MYO16: variants seen among roughly 807,000 people sequenced by gnomAD.
MYO16 encodes myosin XVI, also known as unconventional myosin-XVI.
A neutral mutation model predicts 205.3 loss-of-function variants in MYO16; 94 were observed. The observed-to-expected ratio is 0.46, with a 90% CI of 0.39 to 0.54. MYO16 has a LOEUF of 0.54. MYO16 is among the 20% of genes least tolerant of loss of function. The pLI is 0.00. For missense variants in MYO16, 2,315 were observed against 2,387.5 expected, an observed-to-expected ratio of 0.97 and a Z score of 0.63; for synonymous variants, 988 against 954.0, an observed-to-expected ratio of 1.04 and a Z score of -0.66.
intron 16 of MYO16, among the ~76,000 whole-genome samples, chr13:108,912,650 G>A (rs7334888): frequency 0.094 from 14,236 of 151,984 alleles, 693 homozygotes; most frequent in Non-Finnish European, 0.11. Flanking sequence ...CTTGAACATC[G>A]CTAATTGAAC....
chr13:108,610,884 T>C (rs1471861065), intron 1 of MYO16, among the ~76,000 whole-genome samples: 2 of 152,196 alleles, frequency 1.3e-5, no homozygotes, highest in African/African-American at 4.8e-5. Flanking sequence ...TAGTGCTCTT[T>C]TTCCTCTGGA....
intron 7 of MYO16, among the ~76,000 whole-genome samples, chr13:108,809,670 C>G (rs942090465): frequency 6.6e-6 from 1 of 152,212 alleles, no homozygotes; most frequent in African/African-American, 2.4e-5. Context: ...CCCCATGACC[C>G]AATCACCCCC....
At chr13:108,939,540 G>A (rs549581997) in intron 16 of MYO16, among the ~76,000 whole-genome samples, 1 of 152,250 alleles carries the variant, frequency 6.6e-6, no homozygotes, top group South Asian at 2.1e-4. Context: ...TGATCCTTCT[G>A]TACTATCTTG....
chr13:108,730,832 G>A (rs571492052), intron 4 of MYO16, among the ~76,000 whole-genome samples: 3 of 152,260 alleles, frequency 2.0e-5, no homozygotes, highest in African/African-American at 7.2e-5. Context: ...AGTTCATTAG[G>A]ATGTGGAGAG....
chr13:108,893,084 A>T (rs941131590), intron 14 of MYO16, among the ~76,000 whole-genome samples: 23 of 152,332 alleles, frequency 1.5e-4, no homozygotes, highest in African/African-American at 5.5e-4. Flanking sequence ...GCATGGCTTA[A>T]ATTCCATGTC....
intron 27 of MYO16, among the ~76,000 whole-genome samples, chr13:109,080,294 T>C (rs1172141936): frequency 6.6e-6 from 1 of 152,204 alleles, no homozygotes; most frequent in Admixed American, 6.5e-5. Context: ...TAAACAGACA[T>C]ATCTCTGTAC....
intron 16 of MYO16, among the ~76,000 whole-genome samples, chr13:108,926,734 G>A (rs1882025164): frequency 1.3e-5 from 2 of 152,156 alleles, no homozygotes; most frequent in African/African-American, 2.4e-5. Flanking sequence ...TTCACCAGGG[G>A]TGGTGGCCTC....
intron 2 of MYO16, among the ~76,000 whole-genome samples, chr13:108,683,505 T>C (rs972025378): frequency 1.3e-5 from 2 of 152,234 alleles, no homozygotes; most frequent in Non-Finnish European, 2.9e-5. Context: ...GAAATCTGTG[T>C]CTGATAAATG....
chr13:108,538,973 C>T, the MYO16 span, among the ~76,000 whole-genome samples: 2 of 152,094 alleles, frequency 1.3e-5, no homozygotes, highest in Admixed American at 6.6e-5. Context: ...GTGTGTACCA[C>T]TCAGTCTAAT....
intron 34 of MYO16, among the ~76,000 whole-genome samples, chr13:109,192,417 T>C (rs1371816079): frequency 6.6e-6 from 1 of 152,208 alleles, no homozygotes; most frequent in African/African-American, 2.4e-5. Flanking sequence ...TTTTCTTTTC[T>C]CTAGCATTTG....
chr13:108,570,345 C>A, the MYO16 span, among the ~76,000 whole-genome samples: 6 of 152,154 alleles, frequency 3.9e-5, no homozygotes, highest in African/African-American at 1.4e-4. Context: ...AACCCCTGGG[C>A]TCAAGTGATC....
the MYO16 span, among the ~76,000 whole-genome samples, chr13:108,549,173 G>T: frequency 6.6e-6 from 1 of 152,152 alleles, no homozygotes; most frequent in African/African-American, 2.4e-5. Context: ...ACATTGCAAA[G>T]GTGACTTTGC....
chr13:108,722,635 A>G (rs1412613262), intron 3 of MYO16, among the ~76,000 whole-genome samples: 1 of 152,202 alleles, frequency 6.6e-6, no homozygotes, highest in Non-Finnish European at 1.5e-5. Flanking sequence ...GCACAGAAGG[A>G]GGAGGTCACA....
At chr13:109,150,858 G>C (rs955895325) in intron 32 of MYO16, among the ~76,000 whole-genome samples, 1 of 152,230 alleles carries the variant, frequency 6.6e-6, no homozygotes, top group Non-Finnish European at 1.5e-5. Flanking sequence ...GAGAAATCCA[G>C]CCCTTTATCC....
At chr13:109,173,485 T>C (rs913653067) in intron 33 of MYO16, among the ~76,000 whole-genome samples, 4 of 152,208 alleles carry the variant, frequency 2.6e-5, no homozygotes, top group African/African-American at 9.6e-5. Flanking sequence ...TCCATGAATT[T>C]GCTGCACAAT....
At chr13:108,863,633 T>A (rs570370641) in intron 11 of MYO16, among the ~76,000 whole-genome samples, 2 of 152,158 alleles carry the variant, frequency 1.3e-5, no homozygotes, top group East Asian at 3.9e-4. Context: ...AATGAGAGAG[T>A]TCAGCCTGTA....
intron 27 of MYO16, among the ~76,000 whole-genome samples, chr13:109,084,673 T>C: frequency 1.4e-5 from 2 of 147,686 alleles, no homozygotes; most frequent in African/African-American, 4.9e-5. Flanking sequence ...TAAGAAATAA[T>C]ATTTAAGTAA....
intron 13 of MYO16, among the ~76,000 whole-genome samples, chr13:108,885,242 C>T (rs1339406095): frequency 1.3e-5 from 2 of 152,218 alleles, no homozygotes; most frequent in African/African-American, 2.4e-5. Flanking sequence ...GCTTCAGCCT[C>T]CTGAGTAGCT....
chr13:109,088,709 T>A (rs777334031), intron 27 of MYO16, among the ~76,000 whole-genome samples: 1 of 152,234 alleles, frequency 6.6e-6, no homozygotes, highest in Non-Finnish European at 1.5e-5. Flanking sequence ...CGGGCCGCAG[T>A]CCTTCATGCT....
Sources: allele counts gnomAD v4.1 joint callset (sites outside exome capture counted in the v4.1 genomes callset), GRCh38; gene constraint gnomAD v4.1.1; transcripts MANE v1.5; gene names NCBI Gene and HGNC (gene_info 2026-07-23, HGNC 2026-07-21).